The following VGLL4 variants were observed in gnomAD, a reference collection of about 807,000 sequenced individuals.
VGLL4 encodes vestigial like family member 4.
VGLL4 carries 7 observed loss-of-function variants against 21.0 expected under a neutral mutation model. The ratio of observed to expected loss-of-function variants is 0.33; its 90% CI spans 0.19 to 0.63. The LOEUF is 0.63. Ranked by LOEUF, VGLL4 falls within the 20% of genes least tolerant of loss-of-function variation. VGLL4 has a pLI of 0.78. For missense variants in VGLL4, 394 were observed against 425.7 expected (o/e 0.93, Z 0.66); for synonymous variants, 222 against 173.2 (o/e 1.28, Z -2.21).
rs1243988819 is a variant in VGLL4, at chr3:11,556,754, C to T, written c.*1802G>A. ...TGTACATTCTTTACGCACAGCGTAA[C>T]GATGGTCTCAAAATCACCCATATAG... is the stretch of plus-strand genomic sequence containing the variant. On this transcript the variant is annotated 3_prime_UTR_variant, in exon 5 of 5. Transcript: ENST00000430365. The T allele has an allele frequency of 1.3e-5, 2 of 152,624 alleles. No homozygotes were observed. The highest frequency in any genetic ancestry group is 1.9e-4 in the East Asian group (1 of 5,336). 9.5% of individuals were successfully genotyped at this position (152,624 alleles called of 1,614,324 possible).
rs536614974 is a variant in VGLL4 at position 11,712,737 on chromosome 3, A to G, written c.-14+7657T>C. Among the ~76,000 whole-genome samples the G allele has an allele frequency of 8.8e-4, 134 of 152,330 alleles. 2 individuals carry two copies. Among genetic ancestry groups the G allele is most frequent in the African/African-American group, 3.1e-3 (130 of 41,588 alleles). ...AGCACAATTATTTAGCCTAGGTCAA[A>G]GCAAACCTTCCATTAGCAAGCACGA... On this transcript the variant is annotated intron_variant, in intron 1 of 5. Coordinates refer to the VGLL4 transcript ENST00000273038.
At chr3:11,559,307 A>G in intron 4 of VGLL4, 25 bp downstream of exon 4, 1 of 1,516,050 alleles carries the variant, frequency 6.6e-7, no homozygotes, top group Non-Finnish European at 8.9e-7. Flanking sequence ...CAGCTGTGAC[A>G]GGTGAGGAGG....
At position 11,696,820 on chromosome 3, in the gene VGLL4, C is replaced by A. The variant is rs935537051; in HGVS notation, c.64+6151G>T. The stretch of plus-strand genomic sequence containing the variant: ...GTGGCACCATCACAGTTCACTGCAG[C>A]CTAGTACTCCCAGGATCAGGTGATC... On this transcript the variant is annotated intron_variant, in intron 2 of 5. Transcript: ENST00000273038. Among the ~76,000 whole-genome samples the A allele has an allele frequency of 7.2e-5, 11 of 152,280 alleles. No homozygotes were observed. The East Asian group carries it at 7.7e-4, about 11-fold the overall frequency.
chr3:11,650,689 C>CT (rs2075857563), intron 2 of VGLL4, among the ~76,000 whole-genome samples: 1 of 149,454 alleles, frequency 6.7e-6, no homozygotes, highest in East Asian at 2.0e-4. Context: ...TTTTAAAGTG[C>CT]TTTTTTTCTC....
intron 2 of VGLL4, among the ~76,000 whole-genome samples, chr3:11,692,225 A>G (rs576186166): frequency 1.3e-5 from 2 of 152,310 alleles, no homozygotes; most frequent in East Asian, 3.9e-4. Context: ...AAGGCATGTT[A>G]TTTTCACCAG....
chr3:11,657,974 G>A (rs912129838), intron 2 of VGLL4, among the ~76,000 whole-genome samples: 5 of 152,102 alleles, frequency 3.3e-5, no homozygotes, highest in Non-Finnish European at 4.4e-5. Context: ...TGCCCAGGCT[G>A]TAGTGCAGTG....
chr3:11,668,626 C>T (rs111660963), intron 2 of VGLL4, among the ~76,000 whole-genome samples: 471 of 152,288 alleles, frequency 3.1e-3, no homozygotes, highest in African/African-American at 0.011. Context: ...CCTTCAATGG[C>T]CACAGTATAA....
At chr3:11,621,167 A>G (rs149516905) in intron 1 of VGLL4, among the ~76,000 whole-genome samples, 3 of 152,380 alleles carry the variant, frequency 2.0e-5, no homozygotes, top group Admixed American at 2.0e-4. Context: ...CTTTTATAAT[A>G]GCTTTATTGA....
At chr3:11,644,281 T>C (rs1424622292), upstream of VGLL4, among the ~76,000 whole-genome samples, 1 of 152,130 alleles carries the variant, frequency 6.6e-6, no homozygotes, top group Non-Finnish European at 1.5e-5. Flanking sequence ...TAGTGATGCA[T>C]AAGCCATATA....
chr3:11,717,490 A>ATT (rs60921966), intron 1 of VGLL4, among the ~76,000 whole-genome samples: 3,867 of 72,858 alleles, frequency 0.053, 404 homozygotes, highest in African/African-American at 0.17. Flanking sequence ...CCCACTACAG[A>ATT]TTTTTTTTTT....
At position 11,565,369 on chromosome 3, in the gene VGLL4, T is replaced by G. The variant is rs983549801; in HGVS notation, c.273-350A>C. Among the ~76,000 whole-genome samples, 11 of 152,098 alleles carry G rather than the reference T, an allele frequency of 7.2e-5. No individual in the cohort carries two copies. The highest frequency in any genetic ancestry group is 2.7e-4 in the African/African-American group (11 of 41,430). On this transcript the variant is annotated intron_variant, in intron 2 of 4. Transcript: ENST00000430365. This position sits in a 1 kb window ranked among gnomAD's most constrained non-coding sequence, Gnocchi z 4.1. ...AGCTGGTTCGATAAGGACCTGCCAT[T>G]TGGACAGGACGGGGACGCTGACAAC...
intron 2 of VGLL4, among the ~76,000 whole-genome samples, chr3:11,598,802 T>C (rs976256628): frequency 3.9e-5 from 6 of 152,270 alleles, no homozygotes; most frequent in Non-Finnish European, 7.4e-5. Context: ...AAAACTCTTT[T>C]CCAATAACAC....
chr3:11,681,047 C>G (rs577370407), intron 2 of VGLL4, among the ~76,000 whole-genome samples: 2 of 152,054 alleles, frequency 1.3e-5, no homozygotes, highest in African/African-American at 4.8e-5. Context: ...AGTCCCATGG[C>G]GTTCATAATT....
chr3:11,626,538 G>C, intron 1 of VGLL4: 1 of 414,926 alleles, frequency 2.4e-6, no homozygotes, highest in Non-Finnish European at 4.8e-6. Context: ...ATATTTGAAG[G>C]TACCATGACT....
intron 1 of VGLL4, among the ~76,000 whole-genome samples, chr3:11,704,607 T>C (rs1357430345): frequency 6.6e-6 from 1 of 152,048 alleles, no homozygotes; most frequent in African/African-American, 2.4e-5. Flanking sequence ...CAAAGCATTC[T>C]GCACTGGGTG....
At position 11,557,640 on chromosome 3, in the gene VGLL4, CAAAAAT is replaced by C. The variant is rs764039424; in HGVS notation, c.*910_*915del. ...TAAGTATATCTAGGACTGTAACTGACAAAAATAAACTAATTCTGAAAAGAAGATAGT... is the reference window on the plus strand; with the variant it reads ...TAAGTATATCTAGGACTGTAACTGACAAACTAATTCTGAAAAGAAGATAGT... On this transcript the variant is annotated 3_prime_UTR_variant, in exon 5 of 5. Coordinates refer to ENST00000430365, the MANE Select transcript of VGLL4 (RefSeq NM_001128219.3). 8 of 152,712 alleles carry C rather than the reference CAAAAAT, an allele frequency of 5.2e-5. No individual in the cohort carries two copies. The highest frequency in any genetic ancestry group is 8.8e-5 in the Non-Finnish European group (6 of 68,038). The allele number at this position is 152,712 out of a possible 1,614,324, so 9.5% of individuals were successfully genotyped here. A position where few individuals can be genotyped will look rare whatever the true frequency, so the allele number is the denominator to read the frequency against.
At chr3:11,675,466 G>A (rs1196760170) in intron 2 of VGLL4, among the ~76,000 whole-genome samples, 1 of 152,104 alleles carries the variant, frequency 6.6e-6, no homozygotes, top group African/African-American at 2.4e-5. Context: ...CTAACTCCAT[G>A]GACTCCTCCA....
chr3:11,581,085 A>G (rs2074211345), intron 2 of VGLL4, among the ~76,000 whole-genome samples: 1 of 151,436 alleles, frequency 6.6e-6, no homozygotes, highest in African/African-American at 2.4e-5. Flanking sequence ...TTTTAAAAAA[A>G]AAGATAACTC....
At chr3:11,671,327 G>A (rs748689036) in intron 2 of VGLL4, 97 of 1,440,900 alleles carry the variant, frequency 6.7e-5, no homozygotes, top group South Asian at 1.3e-4. Context: ...GTCAAAATGC[G>A]TATTCTCAGT....
Sources: gnomAD v4.1 joint callset for allele counts (sites outside exome capture counted in the v4.1 genomes callset) on GRCh38, gnomAD v4.1.1 for gene constraint, Gnocchi (gnomAD v3.1) non-coding constraint, MANE v1.5 for transcripts, NCBI Gene and HGNC (gene_info 2026-07-23, HGNC 2026-07-21) for gene names.